The following SPATA13 variants were observed in gnomAD, a reference collection of about 807,000 sequenced individuals.
SPATA13 encodes the protein spermatogenesis associated 13.
A neutral mutation model predicts 104.0 loss-of-function variants in SPATA13; 50 were observed. The ratio of observed to expected loss-of-function variants is 0.48; its 90% CI spans 0.38 to 0.61. The LOEUF (loss-of-function observed/expected upper bound fraction) is 0.61, where lower values mean the gene tolerates loss of function less well. Among genes scored for constraint, SPATA13 ranks in the 20% least tolerant of loss-of-function variants. The probability of loss-of-function intolerance (pLI) is 0.00; values close to 1 mark genes in which losing one functional copy is unlikely to be tolerated. For missense variants in SPATA13, 1,524 were observed against 1,690.6 expected (o/e 0.90, Z 1.73); for synonymous variants, 606 against 667.5 (o/e 0.91, Z 1.42).
rs770267009 is a variant in SPATA13, at chr13:24,224,528, C to T, written c.1599C>T (p.Asp533=). The T allele has an allele frequency of 4.7e-5, 72 of 1,545,904 alleles. No homozygotes were observed. The highest frequency in any genetic ancestry group is 5.8e-5 in the Non-Finnish European group (66 of 1,146,960). The change falls in exon 2 of 13, where the codon GAC becomes GAT. Residue 533 remains aspartate, a synonymous_variant. Transcript: ENST00000382108. The part of the protein sequence containing the change: ...EATHGDEGSK[D]LLVNIGVAAG... ...CACATGGTGATGAGGGCAGCAAGGA[C>T]CTTCTGGTGAACATTGGTGTGGCAG... is the stretch of plus-strand genomic sequence containing the variant.
At chr13:24,250,298 A>ATT (rs931613350) in intron 3 of SPATA13, among the ~76,000 whole-genome samples, 1 of 149,902 alleles carries the variant, frequency 6.7e-6, no homozygotes, top group South Asian at 2.1e-4. Flanking sequence ...CCATTTTCTT[A>ATT]TTTTTTTTTT....
At chr13:24,089,140 A>G (rs1307934046) in intron 3 of SPATA13, among the ~76,000 whole-genome samples, 1 of 152,226 alleles carries the variant, frequency 6.6e-6, no homozygotes, top group East Asian at 1.9e-4. Context: ...TCCACAGGGA[A>G]TAACGGAAGC....
At chr13:24,085,538 T>G (rs1879690493) in intron 3 of SPATA13, among the ~76,000 whole-genome samples, 1 of 152,102 alleles carries the variant, frequency 6.6e-6, no homozygotes, top group South Asian at 2.1e-4. Context: ...GGTGCAGAAA[T>G]CAGCTCAAAG....
intron 2 of SPATA13, among the ~76,000 whole-genome samples, chr13:24,013,935 G>A (rs996473765): frequency 6.6e-6 from 1 of 152,176 alleles, no homozygotes; most frequent in Admixed American, 6.5e-5. Context: ...TGCAGAGCCT[G>A]TTTTAAGCTG....
chr13:24,121,921 G>A lies in SPATA13; in HGVS notation c.-111-100898G>A. On this transcript the variant is annotated intron_variant, in intron 3 of 14. Transcript: ENST00000424834. ...TTCCAGTGCCAGGTTGCATGATCGGGTCCCATCTCCTGGGGTTGTTGTTTC... is the reference window on the plus strand; with the variant it reads ...TTCCAGTGCCAGGTTGCATGATCGGATCCCATCTCCTGGGGTTGTTGTTTC... 7.9e-6 allele frequency: 5 copies of A among 633,230 alleles called. No homozygotes were observed. The South Asian group carries it at 9.9e-5, about 12-fold the overall frequency. 39.2% of individuals were successfully genotyped at this position (633,230 alleles called of 1,614,324 possible). A position where few individuals can be genotyped will look rare whatever the true frequency, so the allele number is the denominator to read the frequency against.
At chr13:24,115,469 T>C (rs1880803077) in intron 3 of SPATA13, among the ~76,000 whole-genome samples, 1 of 152,240 alleles carries the variant, frequency 6.6e-6, no homozygotes, top group Admixed American at 6.5e-5. Context: ...GTGAACCCTA[T>C]TGCAAACCGC....
At chr13:24,022,085 A>G (rs1877005179) in intron 3 of SPATA13, among the ~76,000 whole-genome samples, 1 of 131,870 alleles carries the variant, frequency 7.6e-6, no homozygotes, top group Non-Finnish European at 1.6e-5. Flanking sequence ...GTCTTGCTCT[A>G]TCTCTTGAAG....
intron 1 of SPATA13, among the ~76,000 whole-genome samples, chr13:24,204,573 GTCCATACTCATTA>G (rs1178969313): frequency 6.6e-6 from 1 of 152,100 alleles, no homozygotes; most frequent in Non-Finnish European, 1.5e-5. Flanking sequence ...CAAACTGAAT[GTCCATACTCATTA>G]AGCAACAGCT....
intron 1 of SPATA13, among the ~76,000 whole-genome samples, chr13:24,164,502 A>C (rs1253210270): frequency 6.6e-6 from 1 of 152,144 alleles, no homozygotes; most frequent in South Asian, 2.1e-4. Flanking sequence ...CTAGGATGAG[A>C]TGGGTGATCA....
chr13:24,067,022 T>C (rs1027785867), intron 3 of SPATA13, among the ~76,000 whole-genome samples: 3 of 152,194 alleles, frequency 2.0e-5, no homozygotes, highest in Non-Finnish European at 4.4e-5. Flanking sequence ...CCATCCTCAG[T>C]ATACCCAGTT....
At chr13:24,100,761 C>T (rs9553174) in intron 3 of SPATA13, among the ~76,000 whole-genome samples, 2 of 152,310 alleles carry the variant, frequency 1.3e-5, no homozygotes, top group East Asian at 3.9e-4. Context: ...CTTACCTGAG[C>T]TCCTCACTCC....
At chr13:24,030,479 C>T (rs1877429672) in intron 3 of SPATA13, among the ~76,000 whole-genome samples, 1 of 152,144 alleles carries the variant, frequency 6.6e-6, no homozygotes, top group Admixed American at 6.5e-5. Flanking sequence ...CTTGATGTGT[C>T]TTGTCTTCCT....
intron 3 of SPATA13, among the ~76,000 whole-genome samples, chr13:24,048,913 A>G (rs1269956620): frequency 1.3e-5 from 2 of 152,216 alleles, no homozygotes; most frequent in African/African-American, 2.4e-5. Flanking sequence ...AATTAAAACT[A>G]CAAGTTAGAA....
At chr13:24,202,070 CTAAATAAATAAATAAATAAATAAATAAA>C (rs67125164) in intron 1 of SPATA13, among the ~76,000 whole-genome samples, 1 of 151,198 alleles carries the variant, frequency 6.6e-6, no homozygotes, top group African/African-American at 2.4e-5. Flanking sequence ...AAGACTCTGT[CTAAATAAATAAATAAATAAATAAATAAA>C]TAAATAAATA....
intron 3 of SPATA13, among the ~76,000 whole-genome samples, chr13:24,058,908 A>G (rs544920115): frequency 2.0e-5 from 3 of 151,702 alleles, no homozygotes; most frequent in African/African-American, 7.3e-5. Context: ...AATGATGCCA[A>G]CTCTGTCTCA....
At chr13:24,231,877 T>C (rs1422871798) in intron 2 of SPATA13, among the ~76,000 whole-genome samples, 2 of 152,238 alleles carry the variant, frequency 1.3e-5, no homozygotes, top group African/African-American at 4.8e-5. Context: ...TCGTTTCATG[T>C]GGTTATTAGC....
intron 3 of SPATA13, among the ~76,000 whole-genome samples, chr13:24,092,861 G>A (rs1566100504): frequency 6.6e-6 from 1 of 152,294 alleles, no homozygotes; most frequent in African/African-American, 2.4e-5. Flanking sequence ...GAAAAGGCTG[G>A]TAACAACTAG....
At chr13:24,293,205 A>G (rs1410688313) in intron 9 of SPATA13, among the ~76,000 whole-genome samples, 1 of 150,830 alleles carries the variant, frequency 6.6e-6, no homozygotes, top group East Asian at 1.9e-4. Flanking sequence ...TCTTTTTCTG[A>G]TGGAGAAATC....
intron 3 of SPATA13, among the ~76,000 whole-genome samples, chr13:24,074,663 A>G (rs549590316): frequency 3.9e-5 from 6 of 152,238 alleles, no homozygotes; most frequent in Admixed American, 3.9e-4. Context: ...TGTAGGAATT[A>G]GGGAACTTGC....
Sources: allele counts gnomAD v4.1 joint callset (sites outside exome capture counted in the v4.1 genomes callset), GRCh38; gene constraint gnomAD v4.1.1; transcripts MANE v1.5; gene names NCBI Gene and HGNC (gene_info 2026-07-23, HGNC 2026-07-21).